Variants in CHST3 observed in about 807,000 individuals in gnomAD.
CHST3 encodes the protein carbohydrate sulfotransferase 3, also known as C6ST-1.
In CHST3, 20 loss-of-function variants were observed where a neutral mutation model predicts 35.4. The observed-to-expected ratio is 0.57, with a 90% CI of 0.40 to 0.82. The LOEUF is 0.82. Among genes scored for constraint, CHST3 ranks in the 40% least tolerant of loss-of-function variants. CHST3 has a pLI of 0.00. For synonymous variants in CHST3, 334 were observed against 295.9 expected (o/e 1.13, Z -1.32); for missense variants, 693 against 670.1 (o/e 1.03, Z -0.38).
chr10:72,005,752 A>G lies in CHST3; in HGVS notation c.-91A>G. The G allele has an allele frequency of 6.5e-7, 1 of 1,549,190 alleles. No homozygotes were observed. The highest frequency in any genetic ancestry group is 8.9e-7 in the Non-Finnish European group (1 of 1,124,342). Reference sequence around the variant, plus strand: ...TCTCCGCAGGACAAGGGTGTCCCCCACCTGAAGACGGCAAGCTGGGTCCTG... The same window carrying G: ...TCTCCGCAGGACAAGGGTGTCCCCCGCCTGAAGACGGCAAGCTGGGTCCTG... On this transcript the variant is annotated 5_prime_UTR_variant, in exon 2 of 3. Transcript: ENST00000373115.
intron 2 of CHST3, 123 bp from the exon 3 acceptor site, chr10:72,007,049 G>A (rs1225471181): frequency 6.5e-6 from 7 of 1,070,886 alleles, no homozygotes; most frequent in Middle Eastern, 2.1e-4. Flanking sequence ...TTGCCTCAAC[G>A]TCTGCTTTTG....
intron 1 of CHST3, among the ~76,000 whole-genome samples, chr10:72,000,686 T>C (rs1839984625): frequency 6.6e-6 from 1 of 152,058 alleles, no homozygotes; most frequent in South Asian, 2.1e-4. Context: ...TACCAAGTAG[T>C]GCATAGAGTG....
chr10:72,005,301 C>CTGTGTG (rs71018245), intron 1 of CHST3, among the ~76,000 whole-genome samples: 7 of 140,108 alleles, frequency 5.0e-5, no homozygotes, highest in Non-Finnish European at 1.0e-4. Flanking sequence ...GTGTGTGTGT[C>CTGTGTG]TGTGTGTGTG....
At chr10:72,000,361 G>A (rs191293264) in intron 1 of CHST3, among the ~76,000 whole-genome samples, 1 of 152,316 alleles carries the variant, frequency 6.6e-6, no homozygotes, top group East Asian at 1.9e-4. Flanking sequence ...CGTTCTGGGG[G>A]ATGAGAGGCC....
intron 1 of CHST3, among the ~76,000 whole-genome samples, chr10:71,983,671 G>A (rs2131747548): frequency 6.6e-6 from 1 of 152,254 alleles, no homozygotes; most frequent in Middle Eastern, 3.4e-3. Context: ...GGCTGGTCTG[G>A]AACTCCTGAA....
intron 1 of CHST3, among the ~76,000 whole-genome samples, chr10:71,983,913 G>A (rs1839823159): frequency 6.6e-6 from 1 of 152,214 alleles, no homozygotes; most frequent in Non-Finnish European, 1.5e-5. Flanking sequence ...CTCTGTAAAT[G>A]ACTTTGTAAC....
Position 72,007,378 on chromosome 10 carries a change from A to G in CHST3, c.347A>G (p.Glu116Gly), listed in dbSNP as rs2131774439. The G allele has an allele frequency of 6.2e-7, 1 of 1,606,258 alleles. No individual in the cohort carries two copies. Among genetic ancestry groups the G allele is most frequent in the Non-Finnish European group, 8.5e-7 (1 of 1,177,038 alleles). ...AMEAAGEEEE[E>G]QRKEEEPPRP... ...GAGGCCGCAGGGGAGGAAGAGGAAG[A>G]GCAGAGAAAGGAGGAGGAGCCGCCC... Residue 116 changes from glutamate to glycine, a missense_variant, in exon 3 of 3, where the codon GAG (glutamate) becomes GGG (glycine). By Grantham distance (98) the Glu-to-Gly change is moderately conservative. Transcript: ENST00000373115.
intron 1 of CHST3, among the ~76,000 whole-genome samples, chr10:71,967,224 T>C (rs1205391823): frequency 2.0e-5 from 3 of 152,164 alleles, no homozygotes; most frequent in Admixed American, 2.0e-4. Flanking sequence ...ACTCTGGAGC[T>C]CTAGCGATCT....
At chr10:71,968,306 T>C (rs1184729930) in intron 1 of CHST3, among the ~76,000 whole-genome samples, 2 of 152,246 alleles carry the variant, frequency 1.3e-5, no homozygotes, top group African/African-American at 4.8e-5. Flanking sequence ...AAGTATCTGT[T>C]TGTGTCCTTT....
At chr10:72,001,409 C>T (rs1332952725) in intron 1 of CHST3, among the ~76,000 whole-genome samples, 1 of 152,198 alleles carries the variant, frequency 6.6e-6, no homozygotes, top group African/African-American at 2.4e-5. Flanking sequence ...GGGGATACCA[C>T]CCGTTCCTTG....
rs757595872 is a variant in CHST3 at position 72,008,407 on chromosome 10, C to G, written c.1376C>G (p.Ala459Gly). Residue 459 changes from alanine (A) to glycine (G), a missense_variant, in exon 3 of 3, where the codon GCC becomes GGC. Coordinates refer to ENST00000373115, the MANE Select transcript of CHST3 (RefSeq NM_004273.5). ...RLFGYKLARD[A>G]AALTNRSVSL... ...TTCGGCTACAAACTGGCGCGGGACG[C>G]CGCCGCCCTCACCAACCGCTCAGTC... 20 of 1,571,198 alleles carry G rather than the reference C, an allele frequency of 1.3e-5. No individual in the cohort carries two copies. Among genetic ancestry groups the G allele is most frequent in the Non-Finnish European group, 1.6e-5 (19 of 1,159,258 alleles).
intron 1 of CHST3, among the ~76,000 whole-genome samples, chr10:71,987,074 A>C (rs1363928508): frequency 6.6e-6 from 1 of 152,082 alleles, no homozygotes; most frequent in Non-Finnish European, 1.5e-5. Context: ...TAGACAATTG[A>C]CCTCTGTTTC....
intron 1 of CHST3, among the ~76,000 whole-genome samples, chr10:71,989,223 G>C (rs756401919): frequency 6.6e-6 from 1 of 152,138 alleles, no homozygotes; most frequent in African/African-American, 2.4e-5. Context: ...GCCAGCCTCA[G>C]CTTGAGCCCA....
intron 1 of CHST3, among the ~76,000 whole-genome samples, chr10:72,001,977 G>C (rs766691582): frequency 1.3e-5 from 2 of 152,174 alleles, no homozygotes; most frequent in South Asian, 4.1e-4. Flanking sequence ...TGAGTTCTGC[G>C]TGGGGCTTTG....
chr10:71,996,451 C>CATGT (rs1839940203), intron 1 of CHST3, among the ~76,000 whole-genome samples: 1 of 146,392 alleles, frequency 6.8e-6, no homozygotes, highest in Non-Finnish European at 1.5e-5. Flanking sequence ...TGTGTCTCTG[C>CATGT]GTGTGTGTGT....
chr10:71,977,885 AT>A (rs991368142), intron 1 of CHST3, among the ~76,000 whole-genome samples: 1 of 151,886 alleles, frequency 6.6e-6, no homozygotes, highest in African/African-American at 2.4e-5. Context: ...GGCCAGGCTG[AT>A]TTTTTTATTT....
intron 1 of CHST3, among the ~76,000 whole-genome samples, chr10:71,966,612 AGAG>A (rs1393360138): frequency 6.6e-6 from 1 of 152,234 alleles, no homozygotes; most frequent in Non-Finnish European, 1.5e-5. Context: ...CTCAGATGAA[AGAG>A]GAGGTGATCT....
intron 2 of CHST3, among the ~76,000 whole-genome samples, 175 bp from the exon 3 acceptor site, chr10:72,006,997 C>T (rs572256629): frequency 6.6e-6 from 1 of 152,378 alleles, no homozygotes; most frequent in Admixed American, 6.5e-5. Context: ...TCCAGTACTT[C>T]CTGTGATCAT....
chr10:71,998,671 G>A (rs1483072275), intron 1 of CHST3, among the ~76,000 whole-genome samples: 1 of 152,212 alleles, frequency 6.6e-6, no homozygotes, highest in Non-Finnish European at 1.5e-5. Flanking sequence ...TGCCAGGCTG[G>A]CCCTTAGCCC....
Sources: allele counts gnomAD v4.1 joint callset (sites outside exome capture counted in the v4.1 genomes callset), GRCh38; gene constraint gnomAD v4.1.1; transcripts MANE v1.5; gene names NCBI Gene and HGNC (gene_info 2026-07-23, HGNC 2026-07-21).